The following HS6ST2 variants were observed in gnomAD, a reference collection of about 807,000 sequenced individuals.
HS6ST2 encodes the protein heparan-sulfate 6-O-sulfotransferase 2.
A neutral mutation model predicts 33.0 loss-of-function variants in HS6ST2; 17 were observed. The ratio of observed to expected loss-of-function variants is 0.52; its 90% CI spans 0.35 to 0.77. HS6ST2 has a LOEUF of 0.77. Ranked by LOEUF, HS6ST2 falls within the 30% of genes least tolerant of loss-of-function variation. The pLI is 0.01. For missense variants in HS6ST2, 519 were observed against 551.7 expected (o/e 0.94, Z 0.59); for synonymous variants, 248 against 237.1 (o/e 1.05, Z -0.42).
chrX:132,801,288 T>C (rs2065232379), intron 2 of HS6ST2, among the ~76,000 whole-genome samples: 1 of 110,138 alleles, frequency 9.1e-6, no homozygotes, highest in African/African-American at 3.3e-5. Flanking sequence ...AAAGCAAGAC[T>C]CTGTCTCAAA....
chrX:132,869,542 G>A (rs1423574136), intron 2 of HS6ST2, among the ~76,000 whole-genome samples: 1 of 111,923 alleles, frequency 8.9e-6, no homozygotes, highest in Admixed American at 9.5e-5. Context: ...ACCGAATCCA[G>A]CAGCACATCA....
chrX:132,649,048 T>C lies in HS6ST2; in HGVS notation c.1068-19955A>G, dbSNP rs181951842. The stretch of plus-strand genomic sequence containing the variant: ...TTCCTGAATGTCAAAACTCCAAATT[T>C]TTCTACTAAGCAAACTTTTCAGTGG... On this transcript the variant is annotated intron_variant, in intron 4 of 4. Transcript: ENST00000370833. Among the ~76,000 whole-genome samples, 7 of 112,394 alleles carry C rather than the reference T, an allele frequency of 6.2e-5. 1 individual carries two copies. In the East Asian group the frequency reaches 2.0e-3, roughly 32 times the overall value.
chrX:132,834,367 G>A (rs751882336), intron 2 of HS6ST2, among the ~76,000 whole-genome samples: 1 of 111,930 alleles, frequency 8.9e-6, no homozygotes, highest in Non-Finnish European at 1.9e-5. Context: ...AGAGCTTAAC[G>A]GATGGCCCAG....
chrX:132,752,564 C>T (rs1256026216), intron 2 of HS6ST2, among the ~76,000 whole-genome samples: 12 of 111,118 alleles, frequency 1.1e-4, no homozygotes, highest in African/African-American at 3.6e-4. Flanking sequence ...ACGATCTTCT[C>T]ACGCAGACGC....
intron 2 of HS6ST2, among the ~76,000 whole-genome samples, chrX:132,727,484 G>A (rs757196991): frequency 4.5e-4 from 50 of 110,548 alleles, no homozygotes; most frequent in Non-Finnish European, 8.7e-4. Flanking sequence ...GAGTGTCTAC[G>A]AGTTATTGGA....
intron 4 of HS6ST2, among the ~76,000 whole-genome samples, chrX:132,641,841 T>C (rs1461315533): frequency 8.9e-6 from 1 of 112,168 alleles, no homozygotes; most frequent in African/African-American, 3.2e-5. Context: ...GACATTTGAG[T>C]AGGAGGCAGT....
intron 2 of HS6ST2, among the ~76,000 whole-genome samples, chrX:132,948,925 C>G (rs986613402): frequency 3.6e-5 from 4 of 111,857 alleles, no homozygotes; most frequent in Non-Finnish European, 7.5e-5. Flanking sequence ...CTTGTACCTA[C>G]GGTGTAGTTT....
chrX:132,878,384 T>G (rs756173381), intron 2 of HS6ST2, among the ~76,000 whole-genome samples: 3 of 111,940 alleles, frequency 2.7e-5, no homozygotes, highest in Non-Finnish European at 5.6e-5. Flanking sequence ...CCTGTGCAGG[T>G]TCCCTTATCT....
intron 2 of HS6ST2, among the ~76,000 whole-genome samples, chrX:132,713,935 T>C: frequency 1.8e-5 from 2 of 111,825 alleles, no homozygotes; most frequent in East Asian, 5.7e-4. Flanking sequence ...TGATCCTATA[T>C]TGGTTTGATC....
intron 2 of HS6ST2, among the ~76,000 whole-genome samples, chrX:132,720,210 C>A (rs1047913164): frequency 8.9e-6 from 1 of 112,483 alleles, no homozygotes; most frequent in African/African-American, 3.2e-5. Context: ...GTTGAACTTG[C>A]TGAATTGCTA....
chrX:132,822,982 C>G (rs1474922958), intron 2 of HS6ST2, among the ~76,000 whole-genome samples: 1 of 112,585 alleles, frequency 8.9e-6, no homozygotes, highest in Non-Finnish European at 1.9e-5. Context: ...TGTGTTCTGC[C>G]ACAAGGCCCA....
intron 4 of HS6ST2, among the ~76,000 whole-genome samples, chrX:132,654,594 AT>A (rs920376160): frequency 8.9e-6 from 1 of 111,885 alleles, no homozygotes; most frequent in Non-Finnish European, 1.9e-5. Context: ...TTATGTATCC[AT>A]TTTTTTTAGA....
At chrX:132,815,263 AAAT>A (rs2065384045) in intron 2 of HS6ST2, among the ~76,000 whole-genome samples, 3 of 112,644 alleles carry the variant, frequency 2.7e-5, no homozygotes, top group Admixed American at 9.5e-5. Context: ...CTAGGTAATG[AAAT>A]AATAATAACA....
intron 3 of HS6ST2, among the ~76,000 whole-genome samples, chrX:132,670,928 G>C (rs1452248683): frequency 8.9e-6 from 1 of 112,471 alleles, no homozygotes; most frequent in Non-Finnish European, 1.9e-5. Context: ...GGAGAGAGTG[G>C]ACACACATTC....
chrX:132,899,732 C>T (rs558051139), intron 2 of HS6ST2, among the ~76,000 whole-genome samples: 11 of 111,034 alleles, frequency 9.9e-5, no homozygotes, highest in African/African-American at 2.6e-4. Context: ...ACTATAAATG[C>T]GCAAGTCTAA....
intron 2 of HS6ST2, among the ~76,000 whole-genome samples, chrX:132,820,924 G>T (rs1230415792): frequency 9.1e-6 from 1 of 110,201 alleles, no homozygotes; most frequent in Non-Finnish European, 1.9e-5. Context: ...ACCCTCCACA[G>T]CCCAGGACAT....
At chrX:132,933,985 C>T (rs1010004456) in intron 2 of HS6ST2, among the ~76,000 whole-genome samples, 8 of 110,631 alleles carry the variant, frequency 7.2e-5, no homozygotes, top group Admixed American at 4.8e-4. Context: ...AAAAATTCTC[C>T]GGCTGAAAGC....
intron 4 of HS6ST2, among the ~76,000 whole-genome samples, chrX:132,651,687 A>G (rs1484677215): frequency 3.6e-5 from 4 of 111,959 alleles, no homozygotes; most frequent in African/African-American, 1.3e-4. Context: ...TTTGAAAACC[A>G]GACTCCATAA....
At chrX:132,637,924 A>C (rs1169272527) in intron 4 of HS6ST2, among the ~76,000 whole-genome samples, 12 of 60,501 alleles carry the variant, frequency 2.0e-4, no homozygotes, top group Non-Finnish European at 2.6e-4. Context: ...TATTTTATAT[A>C]TATATTATAT....
Sources: gnomAD v4.1 joint callset for allele counts (sites outside exome capture counted in the v4.1 genomes callset) on GRCh38, gnomAD v4.1.1 for gene constraint, MANE v1.5 for transcripts, NCBI Gene and HGNC (gene_info 2026-07-23, HGNC 2026-07-21) for gene names.